Variants in NXPE2 observed in about 807,000 individuals in gnomAD.
The protein encoded by NXPE2 is NXPE family member 2.
Under a neutral mutation model 34.4 loss-of-function variants are expected in NXPE2, and 34 were observed. The ratio of observed to expected loss-of-function variants is 0.99; its 90% CI spans 0.75 to 1.31. NXPE2 has a LOEUF of 1.31. Ranked by LOEUF, NXPE2 falls within the 40% of genes most tolerant of loss-of-function variation. The probability of loss-of-function intolerance (pLI) is 0.00; values close to 1 mark genes in which losing one functional copy is unlikely to be tolerated. For missense variants in NXPE2, 649 were observed against 672.5 expected (o/e 0.97, Z 0.39); for synonymous variants, 235 against 231.3 (o/e 1.02, Z -0.15).
At chr11:114,602,197 TATA>T in the NXPE2 span, among the ~76,000 whole-genome samples, 5 of 108,770 alleles carry the variant, frequency 4.6e-5, no homozygotes, top group South Asian at 5.3e-4. Flanking sequence ...ATATATAATA[TATA>T]ATACTATATA....
the NXPE2 span, among the ~76,000 whole-genome samples, chr11:114,747,248 C>T: frequency 1.3e-5 from 2 of 152,136 alleles, no homozygotes; most frequent in African/African-American, 4.8e-5. Context: ...AATTAGGTGT[C>T]TGACTCCCTG....
chr11:114,771,048 T>G, the NXPE2 span, among the ~76,000 whole-genome samples: 1 of 152,128 alleles, frequency 6.6e-6, no homozygotes, highest in African/African-American at 2.4e-5. Context: ...TTAGGTGATA[T>G]TATAGATGAT....
Position 114,705,833 on chromosome 11 carries a change from C to T in NXPE2, c.981C>T (p.Pro327=), listed in dbSNP as rs1200119864. Residue 327 remains proline (P), a synonymous_variant, in exon 5 of 6, where the codon CCC becomes CCT. Coordinates refer to ENST00000389586, the MANE Select transcript of NXPE2 (RefSeq NM_182495.6). ...NCQIGMKTPF[P]SGYTLKKMWI... ...AGATTGGAATGAAGACTCCTTTCCC[C>T]AGTGGTTATACTTTGAAAAAAATGT... The T allele has an allele frequency of 6.5e-7, 1 of 1,538,200 alleles. No individual in the cohort carries two copies. The highest frequency in any genetic ancestry group is 8.8e-7 in the Non-Finnish European group (1 of 1,141,430).
chr11:114,605,966 C>T, the NXPE2 span, among the ~76,000 whole-genome samples: 58 of 151,186 alleles, frequency 3.8e-4, 1 homozygote, highest in African/African-American at 1.4e-3. Context: ...AGTGTTGCCT[C>T]GTGGGTAACC....
the NXPE2 span, among the ~76,000 whole-genome samples, chr11:114,490,682 A>C: frequency 1.3e-5 from 2 of 152,186 alleles, no homozygotes; most frequent in Non-Finnish European, 2.9e-5. Context: ...CCTTCCTTAC[A>C]CCTTATACAA....
intron 2 of NXPE2, among the ~76,000 whole-genome samples, chr11:114,683,204 G>T (rs1393952905): frequency 6.6e-6 from 1 of 152,096 alleles, no homozygotes. Context: ...GGCTGTTCAT[G>T]ACTTGCTTGG....
the NXPE2 span, among the ~76,000 whole-genome samples, chr11:114,644,391 T>C: frequency 6.6e-6 from 1 of 152,164 alleles, no homozygotes; most frequent in South Asian, 2.1e-4. Flanking sequence ...GGCTGTGGGT[T>C]TGTCATAAAT....
chr11:114,755,733 C>T, the NXPE2 span, among the ~76,000 whole-genome samples: 1 of 83,518 alleles, frequency 1.2e-5, no homozygotes. Context: ...TATCTCTTCA[C>T]CCATCTCTCT....
chr11:114,590,045 G>T, the NXPE2 span, among the ~76,000 whole-genome samples: 3 of 152,160 alleles, frequency 2.0e-5, no homozygotes, highest in African/African-American at 7.2e-5. Context: ...TTTGAAGAAT[G>T]CTTCTGGCCA....
chr11:114,796,310 T>TATTC, the NXPE2 span, among the ~76,000 whole-genome samples: 1 of 152,244 alleles, frequency 6.6e-6, no homozygotes, highest in African/African-American at 2.4e-5. Context: ...TGTTGCTCTT[T>TATTC]ATTCAGTCCT....
chr11:114,471,702 G>A, the NXPE2 span, among the ~76,000 whole-genome samples: 4,846 of 152,206 alleles, frequency 0.032, 136 homozygotes, highest in Admixed American at 0.092. Context: ...CTATTGGTTG[G>A]TATTGAGCCT....
At chr11:114,626,409 G>A in the NXPE2 span, among the ~76,000 whole-genome samples, 312 of 152,260 alleles carry the variant, frequency 2.0e-3, 1 homozygote, top group African/African-American at 7.1e-3. Context: ...CCCCCCAACA[G>A]GGGCAGACTG....
chr11:114,735,472 G>C, the NXPE2 span, among the ~76,000 whole-genome samples: 1 of 152,108 alleles, frequency 6.6e-6, no homozygotes, highest in Admixed American at 6.5e-5. Flanking sequence ...TAACCTCTCT[G>C]AGTATAGTTG....
chr11:114,781,708 A>G, the NXPE2 span, among the ~76,000 whole-genome samples: 1 of 152,088 alleles, frequency 6.6e-6, no homozygotes, highest in East Asian at 1.9e-4. Context: ...GGGTAGTGGA[A>G]GTCTGTAGGG....
chr11:114,785,114 T>C, the NXPE2 span, among the ~76,000 whole-genome samples: 3 of 151,838 alleles, frequency 2.0e-5, no homozygotes, highest in Non-Finnish European at 2.9e-5. Context: ...GCTGACACTC[T>C]CCCAGACAAA....
the NXPE2 span, among the ~76,000 whole-genome samples, chr11:114,593,447 A>G: frequency 6.6e-6 from 1 of 152,164 alleles, no homozygotes; most frequent in Admixed American, 6.6e-5. Context: ...TGATCATCAG[A>G]GAAACACAAA....
chr11:114,587,967 G>A, the NXPE2 span, among the ~76,000 whole-genome samples: 1 of 152,160 alleles, frequency 6.6e-6, no homozygotes. Context: ...GATATTTTCT[G>A]TAGATGGGAC....
At chr11:114,699,326 A>T (rs1421676881) in intron 3 of NXPE2, among the ~76,000 whole-genome samples, 3 of 152,140 alleles carry the variant, frequency 2.0e-5, no homozygotes, top group Non-Finnish European at 4.4e-5. Flanking sequence ...CTCTGCCCTC[A>T]GTCCTGTTTC....
the NXPE2 span, among the ~76,000 whole-genome samples, chr11:114,580,967 T>C: frequency 6.6e-6 from 1 of 152,162 alleles, no homozygotes; most frequent in Non-Finnish European, 1.5e-5. Flanking sequence ...TGATTATTAA[T>C]CAACTGAGAG....
Sources: gnomAD v4.1 joint callset for allele counts (sites outside exome capture counted in the v4.1 genomes callset) on GRCh38, gnomAD v4.1.1 for gene constraint, MANE v1.5 for transcripts, NCBI Gene and HGNC (gene_info 2026-07-23, HGNC 2026-07-21) for gene names.